SNTG1: variants seen among roughly 807,000 people sequenced by gnomAD.
SNTG1 encodes the protein gamma-1-syntrophin.
Under a neutral mutation model 74.7 loss-of-function variants are expected in SNTG1, and 39 were observed. That is an observed-to-expected ratio of 0.52 (90% CI 0.40 to 0.68). SNTG1 has a LOEUF of 0.68. Ranked by LOEUF, SNTG1 falls within the 30% of genes least tolerant of loss-of-function variation. The pLI, the probability that SNTG1 is intolerant of heterozygous loss-of-function variation, is 0.00. For missense variants in SNTG1, 685 were observed against 609.5 expected, an observed-to-expected ratio of 1.12 and a Z score of -1.30; for synonymous variants, 254 against 217.1, an observed-to-expected ratio of 1.17 and a Z score of -1.49.
intron 1 of SNTG1, among the ~76,000 whole-genome samples, chr8:50,008,870 T>C (rs957106807): frequency 3.9e-5 from 6 of 152,184 alleles, no homozygotes; most frequent in African/African-American, 1.4e-4. Context: ...AGCTTGTTCA[T>C]AGTTGCAAAA....
chr8:50,096,231 T>A (rs541327690), intron 1 of SNTG1, among the ~76,000 whole-genome samples: 97 of 152,254 alleles, frequency 6.4e-4, no homozygotes, highest in African/African-American at 2.2e-3. Context: ...CAGTATTGAA[T>A]TTGAGGATTA....
At chr8:50,213,356 G>C (rs2084616173) in intron 2 of SNTG1, among the ~76,000 whole-genome samples, 1 of 152,130 alleles carries the variant, frequency 6.6e-6, no homozygotes, top group Non-Finnish European at 1.5e-5. Context: ...AGGAATGAAA[G>C]TAGTACTGAT....
intron 2 of SNTG1, among the ~76,000 whole-genome samples, chr8:50,294,086 T>A (rs1295816257): frequency 2.0e-5 from 3 of 152,210 alleles, no homozygotes; most frequent in Non-Finnish European, 4.4e-5. Flanking sequence ...TAGGTACACA[T>A]GTCTACTTTC....
At chr8:50,491,651 G>A (rs1476879596) in intron 8 of SNTG1, among the ~76,000 whole-genome samples, 1 of 152,230 alleles carries the variant, frequency 6.6e-6, no homozygotes, top group African/African-American at 2.4e-5. Context: ...ACCCAGCGCT[G>A]CTGGAGCCGC....
At chr8:50,206,486 T>C (rs1184257206) in intron 2 of SNTG1, among the ~76,000 whole-genome samples, 1 of 152,226 alleles carries the variant, frequency 6.6e-6, no homozygotes, top group Non-Finnish European at 1.5e-5. Context: ...TGGGGTTTTC[T>C]AAATACACAA....
intron 1 of SNTG1, among the ~76,000 whole-genome samples, chr8:50,026,955 T>TGCCTCTGGTTTCCATTCCC (rs1817317401): frequency 6.6e-6 from 1 of 152,202 alleles, no homozygotes; most frequent in Admixed American, 6.5e-5. Context: ...TGCTTGTTCC[T>TGCCTCTGGTTTCCATTCCC]GCCTCTGGTT....
chr8:50,184,828 G>A (rs1392285571), intron 2 of SNTG1, among the ~76,000 whole-genome samples: 3 of 152,108 alleles, frequency 2.0e-5, no homozygotes, highest in Non-Finnish European at 4.4e-5. Context: ...AAATTAAAAT[G>A]TTCCTAGTTC....
chr8:49,922,177 G>T (rs1331576163), intron 1 of SNTG1, among the ~76,000 whole-genome samples: 2 of 152,094 alleles, frequency 1.3e-5, no homozygotes, highest in African/African-American at 4.8e-5. Flanking sequence ...TGTTCCATCA[G>T]AACAACAGGA....
At chr8:50,000,599 T>C (rs1212044346) in intron 1 of SNTG1, among the ~76,000 whole-genome samples, 1 of 152,194 alleles carries the variant, frequency 6.6e-6, no homozygotes, top group African/African-American at 2.4e-5. Flanking sequence ...GTAGTGCAAA[T>C]ATCACAGACT....
chr8:50,045,818 G>A (rs1423775367), intron 1 of SNTG1, among the ~76,000 whole-genome samples: 1 of 152,116 alleles, frequency 6.6e-6, no homozygotes, highest in African/African-American at 2.4e-5. Flanking sequence ...AGTGTATTCA[G>A]CCCATCTGGG....
chr8:50,415,036 T>C (rs542449611), intron 4 of SNTG1, among the ~76,000 whole-genome samples: 1 of 152,330 alleles, frequency 6.6e-6, no homozygotes, highest in Middle Eastern at 3.4e-3. Flanking sequence ...TAATTCACTT[T>C]GTCTAAAACT....
intron 1 of SNTG1, among the ~76,000 whole-genome samples, chr8:49,953,248 A>G (rs943703115): frequency 2.0e-5 from 3 of 152,206 alleles, no homozygotes; most frequent in African/African-American, 7.2e-5. Flanking sequence ...CAATGAAGTC[A>G]AAGCCCCTCC....
intron 1 of SNTG1, among the ~76,000 whole-genome samples, chr8:49,927,893 G>T (rs974608459): frequency 1.3e-5 from 2 of 151,980 alleles, no homozygotes; most frequent in Non-Finnish European, 2.9e-5. Context: ...TGAGGGGTCA[G>T]ATCACAAGGT....
intron 1 of SNTG1, among the ~76,000 whole-genome samples, chr8:50,088,484 A>G (rs1212052793): frequency 1.9e-4 from 25 of 130,818 alleles, no homozygotes; most frequent in Non-Finnish European, 2.8e-4. Flanking sequence ...TGCAGACGAC[A>G]TGATTGTATA....
intron 1 of SNTG1, among the ~76,000 whole-genome samples, chr8:50,114,720 C>T (rs1369259147): frequency 6.6e-6 from 1 of 152,026 alleles, no homozygotes; most frequent in South Asian, 2.1e-4. Flanking sequence ...TAAAAATTAG[C>T]TGGGCGTAGA....
chr8:50,080,269 A>G (rs899406436), intron 1 of SNTG1, among the ~76,000 whole-genome samples: 3 of 152,160 alleles, frequency 2.0e-5, no homozygotes, highest in Admixed American at 1.3e-4. Context: ...TCTGTTATTG[A>G]TAAAACTAGG....
chr8:50,616,230 TAAGAATAATTAA>T (rs972272475), intron 13 of SNTG1, among the ~76,000 whole-genome samples: 1 of 152,146 alleles, frequency 6.6e-6, no homozygotes, highest in Non-Finnish European at 1.5e-5. Context: ...ACTGTTACAG[TAAGAATAATTAA>T]AAGAATAATT....
At chr8:49,984,731 G>A (rs59679832) in intron 1 of SNTG1, among the ~76,000 whole-genome samples, 16,398 of 152,102 alleles carry the variant, frequency 0.11, 1,326 homozygotes, top group African/African-American at 0.21. Flanking sequence ...CTTTATAGTA[G>A]GAAGAGAATC....
At chr8:50,274,493 T>TA (rs775723276) in intron 2 of SNTG1, among the ~76,000 whole-genome samples, 26 of 151,482 alleles carry the variant, frequency 1.7e-4, no homozygotes, top group African/African-American at 5.1e-4. Flanking sequence ...TGTGGAAAAA[T>TA]AAAAAAAAAG....
Sources: gnomAD v4.1 joint callset for allele counts (sites outside exome capture counted in the v4.1 genomes callset) on GRCh38, gnomAD v4.1.1 for gene constraint, MANE v1.5 for transcripts, NCBI Gene and HGNC (gene_info 2026-07-23, HGNC 2026-07-21) for gene names.